Variants in EPAS1 observed in about 807,000 individuals in gnomAD.
EPAS1 encodes the protein endothelial PAS domain-containing protein 1.
A neutral mutation model predicts 87.9 loss-of-function variants in EPAS1; 23 were observed. That is an observed-to-expected ratio of 0.26 (90% CI 0.19 to 0.37). The LOEUF (loss-of-function observed/expected upper bound fraction) is 0.37, where lower values mean the gene tolerates loss of function less well. Ranked by LOEUF, EPAS1 falls within the 10% of genes least tolerant of loss-of-function variation. The probability of loss-of-function intolerance (pLI) is 1.00; values close to 1 mark genes in which losing one functional copy is unlikely to be tolerated. For missense variants in EPAS1, 1,138 were observed against 1,120.7 expected (o/e 1.02, Z -0.22); for synonymous variants, 508 against 444.3 (o/e 1.14, Z -1.80).
chr2:46,355,883 C>T (rs1188980954), intron 2 of EPAS1, among the ~76,000 whole-genome samples: 3 of 152,216 alleles, frequency 2.0e-5, no homozygotes, highest in African/African-American at 7.2e-5. Flanking sequence ...GAACCACTCA[C>T]ACAGCAGCTC....
At chr2:46,331,775 C>A (rs1683679012) in intron 1 of EPAS1, among the ~76,000 whole-genome samples, 1 of 151,934 alleles carries the variant, frequency 6.6e-6, no homozygotes, top group East Asian at 1.9e-4. Flanking sequence ...TCAGGGAGAG[C>A]CACTGCAGTC....
chr2:46,334,811 T>C (rs1479479103), intron 1 of EPAS1, among the ~76,000 whole-genome samples: 1 of 152,364 alleles, frequency 6.6e-6, no homozygotes, highest in Admixed American at 6.5e-5. Flanking sequence ...AAAAGACTTT[T>C]AGCATTTCCT....
rs150797491 is a variant in EPAS1 at position 46,376,625 on chromosome 2, T to A, written c.1121T>A (p.Phe374Tyr). The A allele has an allele frequency of 5.3e-3, 8,614 of 1,614,160 alleles. 30 individuals carry two copies. Among genetic ancestry groups the A allele is most frequent in the Non-Finnish European group, 6.2e-3 (7,375 of 1,180,024 alleles). Residue 374 changes from phenylalanine to tyrosine, a missense_variant, in exon 9 of 16, where the codon TTT (phenylalanine) becomes TAT (tyrosine). Phe to Tyr is a conservative substitution (Grantham distance 22). Around this residue, in one of 4 missense-constraint regions of EPAS1, gnomAD observed 284 missense variants for 258.4 expected, o/e 1.10. Coordinates refer to ENST00000263734, the MANE Select transcript of EPAS1 (RefSeq NM_001430.5). ...CACCTGATGGCCATGAACAGCATCTTTGATAGCAGTGGCAAGGGGGCTGTG... is the reference window on the plus strand; with the variant it reads ...CACCTGATGGCCATGAACAGCATCTATGATAGCAGTGGCAAGGGGGCTGTG... Reference protein sequence around the residue: ...KPHLMAMNSIFDSSGKGAVSE... With the variant: ...KPHLMAMNSIYDSSGKGAVSE...
chr2:46,309,732 G>T (rs956595789), intron 1 of EPAS1, among the ~76,000 whole-genome samples: 1 of 152,306 alleles, frequency 6.6e-6, no homozygotes, highest in East Asian at 1.9e-4. Context: ...TCCAGGGCTG[G>T]ATCTGGAGCT....
rs201270032 is a variant in EPAS1, at chr2:46,380,470, G to A, written c.1798G>A (p.Glu600Lys). The A allele has an allele frequency of 2.8e-5, 46 of 1,614,122 alleles. No homozygotes were observed. The highest frequency in any genetic ancestry group is 1.1e-4 in the South Asian group (10 of 91,086). The change falls in exon 12 of 16, where the codon GAG becomes AAG. Residue 600 changes from glutamate (E) to lysine (K), a missense_variant. This residue lies in a region of EPAS1 where 502 missense variants were observed against 427.1 expected (regional missense o/e 1.18). Transcript: ENST00000263734. The surrounding 1 kb of genome is among the most constrained non-coding windows in gnomAD (Gnocchi z 4.4). Reference protein sequence around the residue: ...QQLESKKTEPEHRPMSSIFFD... With the variant: ...QQLESKKTEPKHRPMSSIFFD... The stretch of plus-strand genomic sequence containing the variant: ...GCTGGAGAGCAAGAAGACAGAGCCC[G>A]AGCACCGGCCCATGTCCTCCATCTT...
intron 1 of EPAS1, among the ~76,000 whole-genome samples, chr2:46,304,862 TA>T (rs1240356360): frequency 2.0e-5 from 3 of 152,184 alleles, no homozygotes; most frequent in Non-Finnish European, 4.4e-5. Context: ...AAAGAATGGA[TA>T]GGGGGATAAA....
At chr2:46,312,338 G>A (rs925658575) in intron 1 of EPAS1, among the ~76,000 whole-genome samples, 1 of 152,136 alleles carries the variant, frequency 6.6e-6, no homozygotes, top group Non-Finnish European at 1.5e-5. Context: ...TGTGACCTAG[G>A]ACAGGTAATT....
intron 1 of EPAS1, among the ~76,000 whole-genome samples, chr2:46,332,288 ATACG>A (rs1168947339): frequency 3.5e-5 from 4 of 115,002 alleles, no homozygotes; most frequent in Non-Finnish European, 5.5e-5. Flanking sequence ...AAAAAAAAAA[ATACG>A]TGTGTGTGTG....
chr2:46,350,940 A>G (rs1280871590), intron 2 of EPAS1, among the ~76,000 whole-genome samples: 1 of 152,232 alleles, frequency 6.6e-6, no homozygotes, highest in Non-Finnish European at 1.5e-5. Context: ...AATGTGAGAC[A>G]AGTGATTTTA....
At chr2:46,305,116 C>T (rs1683084776) in intron 1 of EPAS1, among the ~76,000 whole-genome samples, 1 of 152,158 alleles carries the variant, frequency 6.6e-6, no homozygotes, top group African/African-American at 2.4e-5. Flanking sequence ...TGGGATGCCC[C>T]TAATAGCATC....
At position 46,386,654 on chromosome 2, in the gene EPAS1, A is replaced by AAT. The variant is rs1325108701; in HGVS notation, c.*1995_*1996dup. ...GTATGGGAGCTTAACTTTATAAGGAAATGTATTTTGACACTGGTATCTTAT... is the reference window on the plus strand; with the variant it reads ...GTATGGGAGCTTAACTTTATAAGGAAATATGTATTTTGACACTGGTATCTTAT... On this transcript the variant is annotated 3_prime_UTR_variant, in exon 16 of 16. Transcript: ENST00000263734. 2.0e-5 allele frequency: 3 copies of AAT among 152,676 alleles called. No homozygotes were observed. Among genetic ancestry groups the AAT allele is most frequent in the African/African-American group, 7.2e-5 (3 of 41,456 alleles). 9.5% of individuals were successfully genotyped at this position (152,676 alleles called of 1,614,324 possible). A position where few individuals can be genotyped will look rare whatever the true frequency, so the allele number is the denominator to read the frequency against.
intron 1 of EPAS1, among the ~76,000 whole-genome samples, chr2:46,314,963 T>G (rs111466380): frequency 6.6e-6 from 1 of 152,188 alleles, no homozygotes; most frequent in Non-Finnish European, 1.5e-5. Context: ...CATCTCCTGA[T>G]GCCAGGGAGA....
In EPAS1 at chr2:46,356,135, C is replaced by CG. The variant is rs750114785; in HGVS notation, c.218-16_218-15insG. The CG allele has an allele frequency of 2.8e-5, 35 of 1,242,972 alleles. No individual in the cohort carries two copies. Among genetic ancestry groups the CG allele is most frequent in the Admixed American group, 4.1e-5 (2 of 49,276 alleles). The allele number at this position is 1,242,972 out of a possible 1,614,324, so 77.0% of individuals were successfully genotyped here. On this transcript the variant is annotated splice_polypyrimidine_tract_variant and intron_variant, in intron 2 of 15. Transcript: ENST00000263734. ...TCCACATTCATGCAAGCTGTCCCACCCCCCCCCCTTTCCAGTTTGCTCTGA... is the reference window on the plus strand; with the variant it reads ...TCCACATTCATGCAAGCTGTCCCACCGCCCCCCCCTTTCCAGTTTGCTCTGA...
intron 7 of EPAS1, among the ~76,000 whole-genome samples, chr2:46,374,103 G>C (rs866982119): frequency 3.3e-5 from 5 of 152,246 alleles, no homozygotes; most frequent in Non-Finnish European, 2.9e-5. Flanking sequence ...GTAAGTTACA[G>C]GAATTCTTGC....
intron 11 of EPAS1, 29 bp downstream of exon 11, chr2:46,378,796 T>C (rs117227021): frequency 6.4e-7 from 1 of 1,566,494 alleles, no homozygotes; most frequent in South Asian, 1.1e-5. Context: ...CAGGCTAGGG[T>C]GTGTGCCTGC....
intron 8 of EPAS1, among the ~76,000 whole-genome samples, 200 bp from the exon 9 acceptor site, chr2:46,376,339 T>C (rs1684747248): frequency 6.6e-6 from 1 of 152,176 alleles, no homozygotes; most frequent in African/African-American, 2.4e-5. Flanking sequence ...GAAACAGACA[T>C]ACATTCAGAG....
intron 1 of EPAS1, 97 bp downstream of exon 1, chr2:46,298,034 G>T: frequency 6.8e-7 from 1 of 1,479,492 alleles, no homozygotes; most frequent in South Asian, 1.2e-5. Flanking sequence ...GAAGAGTGCT[G>T]AGAGGTCTTC....
At chr2:46,311,850 G>T (rs1304104433) in intron 1 of EPAS1, among the ~76,000 whole-genome samples, 7 of 152,186 alleles carry the variant, frequency 4.6e-5, no homozygotes, top group African/African-American at 1.7e-4. Flanking sequence ...CCTTGGGAAA[G>T]CCTGGTGAGC....
chr2:46,381,425 G>A, intron 12 of EPAS1, 171 bp from the exon 13 acceptor site: 1 of 987,642 alleles, frequency 1.0e-6, no homozygotes. Flanking sequence ...GAAGGAGACA[G>A]AGCTCGAGCT....
Sources: allele counts gnomAD v4.1 joint callset (sites outside exome capture counted in the v4.1 genomes callset), GRCh38; gene constraint gnomAD v4.1.1; regional missense constraint gnomAD v4.1.1; non-coding constraint Gnocchi (gnomAD v3.1); transcripts MANE v1.5; gene names NCBI Gene and HGNC (gene_info 2026-07-23, HGNC 2026-07-21).